TP63: variants seen among roughly 807,000 people sequenced by gnomAD.
The protein encoded by TP63 is tumor protein p63, also known as tumor protein 63.
Under a neutral mutation model 82.8 loss-of-function variants are expected in TP63, and 17 were observed. The observed-to-expected ratio is 0.21, with a 90% CI of 0.14 to 0.31. The LOEUF (loss-of-function observed/expected upper bound fraction) is 0.31. Among genes scored for constraint, TP63 ranks in the 10% least tolerant of loss-of-function variants. TP63 has a pLI of 1.00. For synonymous variants in TP63, 330 were observed against 321.7 expected, an observed-to-expected ratio of 1.03 and a Z score of -0.28; for missense variants, 648 against 895.3, an observed-to-expected ratio of 0.72 and a Z score of 3.52.
At chr3:189,858,343 C>T (rs1716563004) in intron 4 of TP63, among the ~76,000 whole-genome samples, 1 of 15,068 alleles carries the variant, frequency 6.6e-5, no homozygotes, top group Non-Finnish European at 1.5e-4. Context: ...GGGGCGGAGC[C>T]TGCAGTGAGC....
intron 1 of TP63, among the ~76,000 whole-genome samples, chr3:189,659,045 CTTAT>C (rs1713644463): frequency 2.6e-5 from 4 of 151,994 alleles, no homozygotes; most frequent in South Asian, 4.1e-4. Context: ...AGTTTATTAA[CTTAT>C]TTATTCATTT....
rs1278486787 is a variant in TP63 at position 189,885,843 on chromosome 3, G to A, written c.1350-551G>A. 3.3e-5 allele frequency among the ~76,000 whole-genome samples: 5 copies of A among 152,280 alleles called. No individual in the cohort carries two copies. In the South Asian group the frequency reaches 1.0e-3, roughly 32 times the overall value. On this transcript the variant is annotated intron_variant, in intron 10 of 13. Coordinates refer to ENST00000264731, the MANE Select transcript of TP63 (RefSeq NM_003722.5). ...CATCATGAACATCTCTATTGAAAAT[G>A]CATGTTTCCAAGTAGGGGCCTCTGC...
At chr3:189,634,028 T>C (rs554782255) in intron 1 of TP63, among the ~76,000 whole-genome samples, 1 of 152,234 alleles carries the variant, frequency 6.6e-6, no homozygotes, top group South Asian at 2.1e-4. Flanking sequence ...ATAAATGAAA[T>C]ATCACTGAAG....
intron 10 of TP63, 110 bp downstream of exon 10, chr3:189,873,105 T>G (rs1718639210): frequency 1.4e-5 from 22 of 1,551,704 alleles, no homozygotes; most frequent in Non-Finnish European, 1.9e-5. Context: ...GATAGCAGAT[T>G]GTCATAGATT....
At chr3:189,720,282 T>G (rs911119876) in intron 1 of TP63, among the ~76,000 whole-genome samples, 1 of 152,192 alleles carries the variant, frequency 6.6e-6, no homozygotes, top group African/African-American at 2.4e-5. Flanking sequence ...GATCAAAGCT[T>G]GTGAACACTC....
rs573615151 is a variant in TP63, at chr3:189,792,726, A to G, written c.325-15546A>G. On this transcript the variant is annotated intron_variant, in intron 3 of 13. Coordinates refer to ENST00000264731, the MANE Select transcript of TP63 (RefSeq NM_003722.5). ...CTCAGCCACTTTCTTTTTAATACCAAGGAGAGATGGGATGATTCATAGTAG... is the reference window on the plus strand; with the variant it reads ...CTCAGCCACTTTCTTTTTAATACCAGGGAGAGATGGGATGATTCATAGTAG... Among the ~76,000 whole-genome samples, 8 of 152,132 alleles carry G rather than the reference A, an allele frequency of 5.3e-5. No homozygotes were observed. In the South Asian group the frequency reaches 1.7e-3, roughly 32 times the overall value.
Position 189,869,410 on chromosome 3 carries a change from G to A in TP63, c.1212+4G>A, listed in dbSNP as rs781526897. 1.9e-6 allele frequency: 3 copies of A among 1,612,406 alleles called. No individual in the cohort carries two copies. In the South Asian group the frequency reaches 3.3e-5, roughly 18 times the overall value. The stretch of plus-strand genomic sequence containing the variant: ...TGATGAACTGTTATACTTACCAGTA[G>A]GTCTTCCTTGGGTGTTCATGGTTGC... On this transcript the variant is annotated splice_donor_region_variant and intron_variant, in intron 9 of 13. Coordinates refer to ENST00000264731, the MANE Select transcript of TP63 (RefSeq NM_003722.5).
chr3:189,624,022 T>G, the TP63 span, among the ~76,000 whole-genome samples: 11 of 152,238 alleles, frequency 7.2e-5, no homozygotes, highest in African/African-American at 2.6e-4. Flanking sequence ...GAACTTCACA[T>G]TATACAGTTT....
rs564277593 is a variant in TP63, at chr3:189,706,246, TTTTTA to T, written c.63-31479_63-31475del. 1.1e-4 allele frequency among the ~76,000 whole-genome samples: 17 copies of T among 152,280 alleles called. No homozygotes were observed. In the South Asian group the frequency reaches 1.2e-3, roughly 11 times the overall value. The stretch of plus-strand genomic sequence containing the variant: ...CTTGCCATTGTGAACTTACTTCTTT[TTTTTA>T]TTTTATTTTATTTTTTATTTTTTGA... On this transcript the variant is annotated intron_variant, in intron 1 of 13. Transcript: ENST00000264731.
chr3:189,690,809 T>G (rs1296065988), intron 1 of TP63, among the ~76,000 whole-genome samples: 1 of 152,202 alleles, frequency 6.6e-6, no homozygotes, highest in Non-Finnish European at 1.5e-5. Context: ...AGAGGCACAT[T>G]ACCTTCTTTG....
intron 1 of TP63, among the ~76,000 whole-genome samples, chr3:189,726,801 T>C (rs947155962): frequency 6.6e-6 from 1 of 152,218 alleles, no homozygotes; most frequent in Non-Finnish European, 1.5e-5. Context: ...AGAAAGTTTC[T>C]ACAACTTCAC....
At chr3:189,814,372 T>G (rs1340321227) in intron 4 of TP63, among the ~76,000 whole-genome samples, 1 of 152,216 alleles carries the variant, frequency 6.6e-6, no homozygotes, top group Non-Finnish European at 1.5e-5. Flanking sequence ...ATCTGGGGCT[T>G]GATCTAATCT....
chr3:189,876,647 G>T (rs1719261939), intron 10 of TP63, among the ~76,000 whole-genome samples: 1 of 152,104 alleles, frequency 6.6e-6, no homozygotes, highest in Admixed American at 6.5e-5. Flanking sequence ...TAGACATTTG[G>T]TCTAATTATG....
At chr3:189,638,886 T>C (rs4327365) in intron 1 of TP63, among the ~76,000 whole-genome samples, 51,435 of 151,762 alleles carry the variant, frequency 0.34, 9,022 homozygotes, top group Non-Finnish European at 0.38. Context: ...GTTTTGAAAA[T>C]CACTACCTAC....
At chr3:189,840,359 C>CTTTTTTTTTTTTTTTT in intron 4 of TP63, among the ~76,000 whole-genome samples, 2 of 44,446 alleles carry the variant, frequency 4.5e-5, no homozygotes, top group Non-Finnish European at 7.8e-5. Flanking sequence ...TGCTTTTCGT[C>CTTTTTTTTTTTTTTTT]TTTTTTTTTT....
chr3:189,893,276 T>C (rs903576848), intron 13 of TP63, among the ~76,000 whole-genome samples: 2 of 152,254 alleles, frequency 1.3e-5, no homozygotes, highest in East Asian at 3.8e-4. Context: ...TATCTCATTT[T>C]ACCAAAGAAG....
At chr3:189,772,402 A>G (rs773889479) in intron 3 of TP63, among the ~76,000 whole-genome samples, 34 of 152,182 alleles carry the variant, frequency 2.2e-4, no homozygotes, top group Non-Finnish European at 4.3e-4. Flanking sequence ...CCACTATACT[A>G]TGATGCTTCC....
intron 3 of TP63, among the ~76,000 whole-genome samples, chr3:189,745,860 A>C (rs1277077339): frequency 6.6e-6 from 1 of 151,906 alleles, no homozygotes; most frequent in Non-Finnish European, 1.5e-5. Context: ...TTTAAAAAAT[A>C]ACACAGTTAG....
intron 10 of TP63, chr3:189,880,192 T>C (rs1021910280): frequency 1.2e-6 from 2 of 1,610,570 alleles, no homozygotes; most frequent in African/African-American, 1.3e-5. Flanking sequence ...CCTATCTCTA[T>C]ATTTTAAGTG....
Sources: allele counts gnomAD v4.1 joint callset (sites outside exome capture counted in the v4.1 genomes callset), GRCh38; gene constraint gnomAD v4.1.1; transcripts MANE v1.5; gene names NCBI Gene and HGNC (gene_info 2026-07-23, HGNC 2026-07-21).